PDS5B: variants seen among roughly 807,000 people sequenced by gnomAD.
The protein encoded by PDS5B is sister chromatid cohesion protein PDS5 homolog B.
Under a neutral mutation model 184.1 loss-of-function variants are expected in PDS5B, and 51 were observed. That is an observed-to-expected ratio of 0.28 (90% CI 0.22 to 0.35). The LOEUF (loss-of-function observed/expected upper bound fraction) is 0.35, where lower values mean the gene tolerates loss of function less well. Ranked by LOEUF, PDS5B falls within the 10% of genes least tolerant of loss-of-function variation. The pLI, the probability that PDS5B is intolerant of heterozygous loss-of-function variation, is 1.00. For missense variants in PDS5B, 1,180 were observed against 1,723.3 expected (o/e 0.68, Z 5.58); for synonymous variants, 566 against 569.2 (o/e 0.99, Z 0.08).
chr13:32,678,371 A>C (rs1375731301), intron 9 of PDS5B, among the ~76,000 whole-genome samples: 1 of 152,188 alleles, frequency 6.6e-6, no homozygotes, highest in African/African-American at 2.4e-5. Flanking sequence ...TTTTAGATTC[A>C]TGTAATATAC....
chr13:32,755,989 C>T (rs773856309), intron 26 of PDS5B, 33 bp downstream of exon 26: 8 of 1,057,990 alleles, frequency 7.6e-6, no homozygotes, highest in Non-Finnish European at 2.9e-6. Context: ...TTCATATTTT[C>T]TGAAAGTTAT....
intron 1 of PDS5B, among the ~76,000 whole-genome samples, chr13:32,630,411 A>C (rs536046813): frequency 6.6e-6 from 1 of 152,166 alleles, no homozygotes; most frequent in South Asian, 2.1e-4. Flanking sequence ...TGCCCTCCTC[A>C]TATCTAGTGA....
chr13:32,679,822 C>T (rs1392327291), intron 10 of PDS5B, among the ~76,000 whole-genome samples: 1 of 151,876 alleles, frequency 6.6e-6, no homozygotes, highest in Non-Finnish European at 1.5e-5. Context: ...TTCTTCCTCC[C>T]ATCTTTGCTC....
In PDS5B at chr13:32,775,028, A is replaced by G. The variant is rs892061073; in HGVS notation, c.4320A>G (p.Arg1440=). 1 of 1,613,226 alleles carries G rather than the reference A, an allele frequency of 6.2e-7. No individual in the cohort carries two copies. The highest frequency in any genetic ancestry group is 1.7e-5 in the Admixed American group (1 of 59,986). ...EEVSTVNVRR[R]SAKRERR ...ACTTTCCTTTTAAGGTACGGCGGCG[A>G]AGTGCTAAAAGGGAACGGCGATGAA... Residue 1440 remains arginine (R), a synonymous_variant, in exon 35 of 35, where the codon CGA becomes CGG. Coordinates refer to ENST00000315596, the MANE Select transcript of PDS5B (RefSeq NM_015032.4).
chr13:32,760,750 A>AT lies in PDS5B; in HGVS notation c.3518+33dup, dbSNP rs546451043. 471 of 1,596,744 alleles carry AT rather than the reference A, an allele frequency of 2.9e-4. 1 individual carries two copies. In the African/African-American group the frequency reaches 5.9e-3, roughly 20 times the overall value. ...GTGCAAAAGAAATGCCACAATTTAC[A>AT]TTTAAGGATTCCAGCAAGGCTATGA... is the stretch of plus-strand genomic sequence containing the variant. On this transcript the variant is annotated intron_variant, in intron 30 of 34. Coordinates refer to ENST00000315596, the MANE Select transcript of PDS5B (RefSeq NM_015032.4).
In PDS5B at chr13:32,632,821, GGGCCA is replaced by G. The variant is rs2058478684; in HGVS notation, c.-19-15929_-19-15925del. On this transcript the variant is annotated intron_variant, in intron 1 of 34. Transcript: ENST00000315596. ...CAGTCATACAAATAATTGAAGCTCTGGGCCAGGCGTGGTGGCTCACATCTGCAATC... is the reference window on the plus strand; with the variant it reads ...CAGTCATACAAATAATTGAAGCTCTGGGCGTGGTGGCTCACATCTGCAATC... 4.6e-5 allele frequency among the ~76,000 whole-genome samples: 7 copies of G among 152,198 alleles called. No individual in the cohort carries two copies. In the South Asian group the frequency reaches 1.5e-3, roughly 32 times the overall value.
Position 32,775,296 on chromosome 13 carries a change from A to G in PDS5B, c.*244A>G. The G allele has an allele frequency of 4.0e-6, 2 of 504,626 alleles. No individual in the cohort carries two copies. Among genetic ancestry groups the G allele is most frequent in the Non-Finnish European group, 7.0e-6 (2 of 286,590 alleles). The allele number at this position is 504,626 out of a possible 1,614,324, so 31.3% of individuals were successfully genotyped here. A position where few individuals can be genotyped will look rare whatever the true frequency, so the allele number is the denominator to read the frequency against. On this transcript the variant is annotated 3_prime_UTR_variant, in exon 35 of 35. Transcript: ENST00000315596. ...TGCGATGGCTATGTAGACATAAAGA[A>G]GAAACTTGTAAATATCTTTTTTCTT...
chr13:32,623,650 C>T (rs767428165), intron 1 of PDS5B, among the ~76,000 whole-genome samples: 47 of 151,926 alleles, frequency 3.1e-4, no homozygotes, highest in Non-Finnish European at 8.8e-5. Flanking sequence ...ACCCACCTTT[C>T]TGATTGTTAT....
intron 31 of PDS5B, among the ~76,000 whole-genome samples, chr13:32,767,772 G>A (rs1307522403): frequency 6.6e-6 from 1 of 151,998 alleles, no homozygotes; most frequent in Non-Finnish European, 1.5e-5. Flanking sequence ...GAATAAAAAA[G>A]GATGAAAGTT....
intron 1 of PDS5B, among the ~76,000 whole-genome samples, chr13:32,609,340 A>G (rs1382964506): frequency 6.6e-6 from 1 of 152,150 alleles, no homozygotes; most frequent in Admixed American, 6.5e-5. Context: ...GGTTAATTAT[A>G]TACAGAGATT....
intron 1 of PDS5B, among the ~76,000 whole-genome samples, chr13:32,608,867 A>G (rs939786412): frequency 6.6e-6 from 1 of 152,216 alleles, no homozygotes; most frequent in Non-Finnish European, 1.5e-5. Flanking sequence ...CTATGACAAC[A>G]TGTGAGAAAG....
chr13:32,699,654 A>G, intron 15 of PDS5B, 76 bp from the exon 16 acceptor site: 1 of 777,066 alleles, frequency 1.3e-6, no homozygotes, highest in Non-Finnish European at 1.9e-6. Flanking sequence ...CAATAAAAGG[A>G]ATGAAAAATA....
chr13:32,673,616 T>A (rs1950991859), intron 8 of PDS5B, among the ~76,000 whole-genome samples: 1 of 152,202 alleles, frequency 6.6e-6, no homozygotes, highest in African/African-American at 2.4e-5. Flanking sequence ...ATTCTAGGAT[T>A]TGACTAACTT....
chr13:32,757,576 T>C (rs1173693613), intron 26 of PDS5B, among the ~76,000 whole-genome samples: 1 of 152,230 alleles, frequency 6.6e-6, no homozygotes, highest in Non-Finnish European at 1.5e-5. Flanking sequence ...TTTTAATTTT[T>C]CCCTTTTTAA....
chr13:32,764,650 G>T, intron 31 of PDS5B, 56 bp downstream of exon 31: 2 of 943,308 alleles, frequency 2.1e-6, no homozygotes, highest in South Asian at 3.7e-5. Context: ...ACTTAGTAAT[G>T]TTTACACTGA....
chr13:32,595,513 T>C (rs1458855776), intron 1 of PDS5B, among the ~76,000 whole-genome samples: 1 of 152,142 alleles, frequency 6.6e-6, no homozygotes, highest in African/African-American at 2.4e-5. Flanking sequence ...AGGAACCACA[T>C]ACTTAAACAA....
intron 31 of PDS5B, among the ~76,000 whole-genome samples, chr13:32,767,794 A>G (rs1278004236): frequency 6.6e-6 from 1 of 152,152 alleles, no homozygotes; most frequent in Non-Finnish European, 1.5e-5. Context: ...TTTTCAACTG[A>G]ATATATAATT....
chr13:32,619,432 C>G (rs188535778), intron 1 of PDS5B, among the ~76,000 whole-genome samples: 22 of 152,168 alleles, frequency 1.4e-4, no homozygotes, highest in African/African-American at 5.3e-4. Flanking sequence ...TCTAAACATA[C>G]AAAAGGTACA....
chr13:32,631,167 G>T (rs1175560922), intron 1 of PDS5B, among the ~76,000 whole-genome samples: 2 of 148,910 alleles, frequency 1.3e-5, no homozygotes, highest in African/African-American at 5.0e-5. Flanking sequence ...TTGGGCTGGG[G>T]TGCAGTGGTG....
Sources: allele counts gnomAD v4.1 joint callset (sites outside exome capture counted in the v4.1 genomes callset), GRCh38; gene constraint gnomAD v4.1.1; transcripts MANE v1.5; gene names NCBI Gene and HGNC (gene_info 2026-07-23, HGNC 2026-07-21).